RASGRP3: variants seen among roughly 807,000 people sequenced by gnomAD.
RASGRP3 encodes RAS guanyl releasing protein 3, also known as ras guanyl-releasing protein 3.
Under a neutral mutation model 82.7 loss-of-function variants are expected in RASGRP3, and 54 were observed. The ratio of observed to expected loss-of-function variants is 0.65; its 90% CI spans 0.52 to 0.82. The LOEUF (loss-of-function observed/expected upper bound fraction) is 0.82, where lower values mean the gene tolerates loss of function less well. Among genes scored for constraint, RASGRP3 ranks in the 40% least tolerant of loss-of-function variants. The pLI is 0.00. For missense variants in RASGRP3, 861 were observed against 828.9 expected (o/e 1.04, Z -0.48); for synonymous variants, 309 against 300.5 (o/e 1.03, Z -0.29).
At chr2:33,457,157 C>A (rs1328852328) in intron 2 of RASGRP3, among the ~76,000 whole-genome samples, 1 of 152,088 alleles carries the variant, frequency 6.6e-6, no homozygotes, top group Non-Finnish European at 1.5e-5. Flanking sequence ...AGGTGCGAGC[C>A]GCCATGCCGG....
intron 13 of RASGRP3, among the ~76,000 whole-genome samples, chr2:33,549,062 G>A (rs541951416): frequency 2.0e-5 from 3 of 152,140 alleles, no homozygotes; most frequent in African/African-American, 4.8e-5. Context: ...AAGGACCAGA[G>A]GTTTGTTCTG....
intron 1 of RASGRP3, among the ~76,000 whole-genome samples, chr2:33,479,586 C>A (rs911678741): frequency 6.6e-6 from 1 of 152,022 alleles, no homozygotes; most frequent in African/African-American, 2.4e-5. Context: ...AGGGGTGGGT[C>A]ACGGGGCAGG....
chr2:33,522,159 A>G, intron 7 of RASGRP3, 57 bp downstream of exon 7: 1 of 1,543,040 alleles, frequency 6.5e-7, no homozygotes, highest in Non-Finnish European at 8.7e-7. Flanking sequence ...CAACTTTCCC[A>G]AGAGCTGCAT....
intron 4 of RASGRP3, 39 bp from the exon 5 acceptor site, chr2:33,519,913 A>G (rs1433570926): frequency 1.3e-6 from 2 of 1,499,606 alleles, no homozygotes; most frequent in African/African-American, 2.8e-5. Context: ...TGTGCAAAGG[A>G]AAGGAGGTGC....
rs1672107026 is a variant in RASGRP3 at position 33,522,225 on chromosome 2, C to T, written c.516+123C>T. 1.8e-5 allele frequency: 19 copies of T among 1,045,374 alleles called. No homozygotes were observed. The East Asian group carries it at 4.1e-4, about 23-fold the overall frequency. 64.8% of individuals were successfully genotyped at this position (1,045,374 alleles called of 1,614,324 possible). ...TCACTGTGCTCTGCTGGAGAAGTGC[C>T]CTTAATTCACAGGAACAATCCCTTT... On this transcript the variant is annotated intron_variant, in intron 7 of 17. Transcript: ENST00000403687.
intron 1 of RASGRP3, chr2:33,482,903 G>A (rs1238625110): frequency 6.6e-6 from 1 of 152,122 alleles, no homozygotes; most frequent in Non-Finnish European, 1.5e-5. Flanking sequence ...GTGAAAGGTA[G>A]CCTTCTTTGA....
intron 6 of RASGRP3, 28 bp downstream of exon 6, chr2:33,520,712 C>T (rs774976987): frequency 1.9e-5 from 30 of 1,611,952 alleles, no homozygotes; most frequent in Non-Finnish European, 2.5e-5. Flanking sequence ...GTCTTTCACA[C>T]CCAATAAGTC....
At chr2:33,510,289 C>T (rs192689635) in intron 1 of RASGRP3, among the ~76,000 whole-genome samples, 6 of 152,074 alleles carry the variant, frequency 3.9e-5, no homozygotes, top group Admixed American at 6.5e-5. Flanking sequence ...CATTTCAAAA[C>T]GATTTGTTGA....
intron 2 of RASGRP3, among the ~76,000 whole-genome samples, chr2:33,467,985 TTTCTTTC>T (rs1558409737): frequency 7.4e-5 from 1 of 13,598 alleles, no homozygotes; most frequent in East Asian, 8.7e-4. Context: ...AGGCTTTTTC[TTTCTTTC>T]TTTCTTTCTT....
At chr2:33,559,882 A>G (rs1676456967) in intron 17 of RASGRP3, among the ~76,000 whole-genome samples, 1 of 152,098 alleles carries the variant, frequency 6.6e-6, no homozygotes, top group South Asian at 2.1e-4. Context: ...GTCTCCATAC[A>G]TTTCCCATGA....
intron 9 of RASGRP3, among the ~76,000 whole-genome samples, chr2:33,526,712 T>C (rs866758870): frequency 6.6e-6 from 1 of 152,218 alleles, no homozygotes; most frequent in African/African-American, 2.4e-5. Flanking sequence ...TCACACCGCA[T>C]TGCAACTTTC....
intron 14 of RASGRP3, among the ~76,000 whole-genome samples, chr2:33,554,686 G>C (rs1025575795): frequency 6.6e-6 from 1 of 152,056 alleles, no homozygotes; most frequent in Non-Finnish European, 1.5e-5. Flanking sequence ...TATTAGCCAG[G>C]ATGGTCTCGA....
At chr2:33,490,598 G>T (rs1668764504) in intron 1 of RASGRP3, among the ~76,000 whole-genome samples, 1 of 152,186 alleles carries the variant, frequency 6.6e-6, no homozygotes, top group Non-Finnish European at 1.5e-5. Context: ...TCCTCAAGAT[G>T]CTTTGCTGCT....
intron 1 of RASGRP3, among the ~76,000 whole-genome samples, chr2:33,477,563 G>A (rs573965821): frequency 1.5e-4 from 23 of 152,308 alleles, no homozygotes; most frequent in African/African-American, 4.1e-4. Context: ...TCCAAATTAC[G>A]GAGAGAACCG....
At chr2:33,523,123 T>C (rs1672185260) in intron 7 of RASGRP3, among the ~76,000 whole-genome samples, 1 of 152,186 alleles carries the variant, frequency 6.6e-6, no homozygotes. Flanking sequence ...CTCGTCTTTA[T>C]TGTATACCGT....
intron 9 of RASGRP3, among the ~76,000 whole-genome samples, chr2:33,525,660 C>G (rs1045095331): frequency 7.9e-6 from 1 of 125,896 alleles, no homozygotes; most frequent in Non-Finnish European, 1.6e-5. Context: ...GCCAGGAGTT[C>G]GACACCAGCC....
rs1364856797 is a variant in RASGRP3 at position 33,549,645 on chromosome 2, T to G, written c.1436T>G (p.Leu479Arg). 6.2e-7 allele frequency: 1 copy of G among 1,613,556 alleles called. No homozygotes were observed. Among genetic ancestry groups the G allele is most frequent in the African/African-American group, 1.3e-5 (1 of 74,932 alleles). ...AAAGATGAAATGATGGCTTACTTCC[T>G]GAGAGCTAAATCCCAACTACACTGT... ...ISKDEMMAYF[L>R]RAKSQLHCKM... Residue 479 changes from leucine (L) to arginine (R), a missense_variant, in exon 14 of 18, where the codon CTG becomes CGG. By Grantham distance (102) the Leu-to-Arg change is moderately radical. Coordinates refer to ENST00000403687, the MANE Select transcript of RASGRP3 (RefSeq NM_001139488.2).
At chr2:33,489,742 G>T (rs960193266) in intron 1 of RASGRP3, among the ~76,000 whole-genome samples, 1 of 152,082 alleles carries the variant, frequency 6.6e-6, no homozygotes, top group Non-Finnish European at 1.5e-5. Context: ...TCACCATGTT[G>T]GCCAGACTGG....
intron 10 of RASGRP3, among the ~76,000 whole-genome samples, chr2:33,528,663 G>A (rs888066816): frequency 6.6e-6 from 1 of 152,074 alleles, no homozygotes; most frequent in Non-Finnish European, 1.5e-5. Context: ...GTGGTTTCTC[G>A]CCCTTCTCAC....
Sources: gnomAD v4.1 joint callset for allele counts (sites outside exome capture counted in the v4.1 genomes callset) on GRCh38, gnomAD v4.1.1 for gene constraint, MANE v1.5 for transcripts, NCBI Gene and HGNC (gene_info 2026-07-23, HGNC 2026-07-21) for gene names.